The following AMPD3 variants were observed in gnomAD, a reference collection of about 807,000 sequenced individuals.
The protein encoded by AMPD3 is AMP deaminase 3.
AMPD3 carries 57 observed loss-of-function variants against 82.3 expected under a neutral mutation model. That is an observed-to-expected ratio of 0.69 (90% CI 0.56 to 0.86). The LOEUF is 0.86. Ranked by LOEUF, AMPD3 falls within the 40% of genes least tolerant of loss-of-function variation. The pLI, the probability that AMPD3 is intolerant of heterozygous loss-of-function variation, is 0.00. For synonymous variants in AMPD3, 381 were observed against 394.7 expected, an observed-to-expected ratio of 0.97 and a Z score of 0.41; for missense variants, 870 against 1,003.8, an observed-to-expected ratio of 0.87 and a Z score of 1.80.
At chr11:10,458,064 A>G (rs1345310521) in intron 1 of AMPD3, among the ~76,000 whole-genome samples, 2 of 151,984 alleles carry the variant, frequency 1.3e-5, no homozygotes, top group Non-Finnish European at 2.9e-5. Context: ...GGAGGTAGGA[A>G]GGTGCTGCTG....
intron 2 of AMPD3, among the ~76,000 whole-genome samples, chr11:10,468,739 G>A (rs1848495472): frequency 6.6e-6 from 1 of 152,130 alleles, no homozygotes; most frequent in Non-Finnish European, 1.5e-5. Flanking sequence ...CACATAATTG[G>A]AAGTAAAACA....
At chr11:10,478,237 T>C (rs1186511962) in intron 2 of AMPD3, 2 of 985,288 alleles carry the variant, frequency 2.0e-6, no homozygotes, top group Non-Finnish European at 1.2e-6. Flanking sequence ...CTGCCATTTG[T>C]CTCTCTGTCT....
rs1400127334 is a variant in AMPD3 at position 10,495,506 on chromosome 11, G to T, written c.1267-64G>T. 1.2e-5 allele frequency: 20 copies of T among 1,611,084 alleles called. No individual in the cohort carries two copies. In the East Asian group the frequency reaches 4.5e-4, roughly 36 times the overall value. On this transcript the variant is annotated intron_variant, in intron 8 of 14. Transcript: ENST00000396553. ...GAGCAACAGGACCCTGCTGGTGACG[G>T]AGAGTGAGAGTCTCCCATGTAGCTG... is the stretch of plus-strand genomic sequence containing the variant.
chr11:10,480,548 AT>A (rs537753649), intron 3 of AMPD3, among the ~76,000 whole-genome samples: 94 of 152,322 alleles, frequency 6.2e-4, no homozygotes, highest in African/African-American at 2.0e-3. Context: ...TCTTAGTAGT[AT>A]TTAGTAAAAG....
Position 10,502,881 on chromosome 11 carries a change from T to C in AMPD3, c.2003T>C (p.Phe668Ser), listed in dbSNP as rs1485374104. 6.2e-7 allele frequency: 1 copy of C among 1,614,132 alleles called. No individual in the cohort carries two copies. Among genetic ancestry groups the C allele is most frequent in the South Asian group, 1.1e-5 (1 of 91,076 alleles). ...CTTTCCACCGATGACCCCATGCAGT[T>C]CCACTACACGAAGGTAAGGACTTTG... ...VSLSTDDPMQFHYTKEALMEE... is the reference protein window; with the variant it reads ...VSLSTDDPMQSHYTKEALMEE... Residue 668 changes from phenylalanine to serine, a missense_variant, in exon 13 of 15, where the codon TTC (phenylalanine) becomes TCC (serine). Coordinates refer to ENST00000396553, the MANE Select transcript of AMPD3 (RefSeq NM_001025389.2).
At position 10,482,184 on chromosome 11, in the gene AMPD3, A is replaced by C. The variant is rs184537234; in HGVS notation, c.548A>C (p.His183Pro). The C allele has an allele frequency of 6.2e-7, 1 of 1,613,562 alleles. No homozygotes were observed. The highest frequency in any genetic ancestry group is 8.5e-7 in the Non-Finnish European group (1 of 1,179,962). ...FPRITSQYLG[H>P]PRADTAPPEE... ...CGGATCACATCCCAGTACCTGGGTC[A>C]TCCGCGGGCGGATACTGCACCTCCG... Residue 183 changes from histidine (H) to proline (P), a missense_variant, in exon 4 of 15, where the codon CAT becomes CCT. His to Pro is a moderately conservative substitution (Grantham distance 77, BLOSUM62 -2). Transcript: ENST00000396553.
intron 12 of AMPD3, chr11:10,501,972 G>A (rs2071018): frequency 0.4 from 398,462 of 984,910 alleles, 81,863 homozygotes; most frequent in East Asian, 0.66. Context: ...ATGCTGCAAC[G>A]TAATATCTAT....
At chr11:10,457,589 T>A (rs1400208386) in intron 1 of AMPD3, among the ~76,000 whole-genome samples, 2 of 152,164 alleles carry the variant, frequency 1.3e-5, no homozygotes, top group Admixed American at 1.3e-4. Flanking sequence ...TTTTAGTTGA[T>A]TAGAGCAAGC....
chr11:10,467,435 T>G (rs933692906), intron 2 of AMPD3, among the ~76,000 whole-genome samples: 7 of 151,724 alleles, frequency 4.6e-5, no homozygotes, highest in Non-Finnish European at 8.8e-5. Context: ...AAGACCAACT[T>G]AATGAAATAA....
chr11:10,464,492 G>A (rs1848361652), intron 2 of AMPD3, among the ~76,000 whole-genome samples: 2 of 152,088 alleles, frequency 1.3e-5, no homozygotes, highest in South Asian at 2.1e-4. Flanking sequence ...TGGAGTCTTC[G>A]GTTCCCTGGT....
rs1358068894 is a variant in AMPD3, at chr11:10,502,834, A to G, written c.1956A>G (p.Leu652=). Residue 652 remains leucine, a synonymous_variant, in exon 13 of 15, where the codon CTA becomes CTG. Transcript: ENST00000396553. ...CCAAGAACCCTCTGAGGGAATTCCT[A>G]CACAAGGGACTGCATGTTTCTCTTT... ...EYSKNPLREF[L]HKGLHVSLST... 2.5e-6 allele frequency: 4 copies of G among 1,614,068 alleles called. No individual in the cohort carries two copies. The highest frequency in any genetic ancestry group is 4.5e-5 in the East Asian group (2 of 44,886).
intron 6 of AMPD3, chr11:10,488,184 C>G: frequency 1.0e-6 from 1 of 985,296 alleles, no homozygotes; most frequent in South Asian, 4.7e-5. Context: ...GGGGCCGCAA[C>G]TGCGGTAGGA....
Position 10,478,577 on chromosome 11 carries a change from G to T in AMPD3, c.273G>T (p.Pro91=), listed in dbSNP as rs761664696. Residue 91 remains proline (P), a synonymous_variant, in exon 3 of 15, where the codon CCG becomes CCT. Coordinates refer to ENST00000396553, the MANE Select transcript of AMPD3 (RefSeq NM_001025389.2). ...IRSQSLSLQM[P]PQQDWKGPPA... is the part of the protein sequence containing the mutation. ...CCCAGTCCCTGTCTCTGCAAATGCC[G>T]CCACAGCAAGATTGGAAGGGCCCCC... 4 of 1,614,028 alleles carry T rather than the reference G, an allele frequency of 2.5e-6. No individual in the cohort carries two copies. Among genetic ancestry groups the T allele is most frequent in the South Asian group, 2.2e-5 (2 of 91,080 alleles).
At chr11:10,486,752 G>T (rs1365873195) in intron 5 of AMPD3, 2 of 985,168 alleles carry the variant, frequency 2.0e-6, no homozygotes, top group Non-Finnish European at 2.4e-6. Flanking sequence ...CAATCCTCTG[G>T]GCAACAAACT....
chr11:10,500,103 C>T lies in AMPD3; in HGVS notation c.1575C>T (p.Ser525=), dbSNP rs1425045883. 9 of 1,614,028 alleles carry T rather than the reference C, an allele frequency of 5.6e-6. No homozygotes were observed. Among genetic ancestry groups the T allele is most frequent in the East Asian group, 2.2e-5 (1 of 44,886 alleles). The change falls in exon 11 of 15, where the codon AGC becomes AGT. Residue 525 remains serine (S), a synonymous_variant. Transcript: ENST00000396553. Reference sequence around the variant, plus strand: ...CTGCCCAGGTGACGGGGTTTGACAGCGTGGATGATGAGTCCAAGCACAGCG... The same window carrying T: ...CTGCCCAGGTGACGGGGTTTGACAGTGTGGATGATGAGTCCAAGCACAGCG... ...LFLKYVTGFD[S]VDDESKHSDH...
chr11:10,500,762 G>T, intron 11 of AMPD3: 1 of 985,464 alleles, frequency 1.0e-6, no homozygotes, highest in Non-Finnish European at 1.2e-6. Context: ...CTAAATCCAT[G>T]CATGCCCTTA....
chr11:10,497,457 G>C (rs71453951), intron 10 of AMPD3: 3 of 411,046 alleles, frequency 7.3e-6, no homozygotes, highest in Admixed American at 6.4e-5. Flanking sequence ...ACCAGGGAGG[G>C]AGGCGGAGGG....
At chr11:10,450,583 G>T (rs1209728721), upstream of AMPD3, 2 of 987,918 alleles carry the variant, frequency 2.0e-6, no homozygotes, top group African/African-American at 3.5e-5. Context: ...GGTCTGGGGA[G>T]CCCGGCTGGC....
upstream of AMPD3, among the ~76,000 whole-genome samples, chr11:10,454,460 G>T (rs926738813): frequency 9.2e-5 from 14 of 152,158 alleles, no homozygotes; most frequent in African/African-American, 3.4e-4. Flanking sequence ...GTTCTAGGAT[G>T]GTCAAATAAG....
Sources: allele counts gnomAD v4.1 joint callset (sites outside exome capture counted in the v4.1 genomes callset), GRCh38; gene constraint gnomAD v4.1.1; transcripts MANE v1.5; gene names NCBI Gene and HGNC (gene_info 2026-07-23, HGNC 2026-07-21).